The following SLC25A26 variants were observed in gnomAD, a reference collection of about 807,000 sequenced individuals.
SLC25A26 encodes the protein solute carrier family 25 member 26.
Under a neutral mutation model 37.8 loss-of-function variants are expected in SLC25A26, and 36 were observed. The observed-to-expected ratio is 0.95, with a 90% CI of 0.73 to 1.26. The LOEUF (loss-of-function observed/expected upper bound fraction) is 1.26. Ranked by LOEUF, SLC25A26 falls within the 50% of genes most tolerant of loss-of-function variation. The probability of loss-of-function intolerance (pLI) is 0.00; values close to 1 mark genes in which losing one functional copy is unlikely to be tolerated. For missense variants in SLC25A26, 390 were observed against 331.1 expected, an observed-to-expected ratio of 1.18 and a Z score of -1.38; for synonymous variants, 129 against 122.5, an observed-to-expected ratio of 1.05 and a Z score of -0.35.
At chr3:66,292,630 C>T (rs1195914852) in intron 5 of SLC25A26, among the ~76,000 whole-genome samples, 1 of 152,324 alleles carries the variant, frequency 6.6e-6, no homozygotes, top group Non-Finnish European at 1.5e-5. Context: ...CCTCCACTCT[C>T]CTCTGGCTTG....
At chr3:66,276,020 C>G (rs1177542058) in intron 5 of SLC25A26, among the ~76,000 whole-genome samples, 3 of 151,906 alleles carry the variant, frequency 2.0e-5, no homozygotes, top group Non-Finnish European at 2.9e-5. Flanking sequence ...ATTTGAAGGT[C>G]AAATGTAGTT....
chr3:66,138,023 G>A (rs1245370156), intron 1 of SLC25A26, among the ~76,000 whole-genome samples: 1 of 151,302 alleles, frequency 6.6e-6, no homozygotes, highest in Non-Finnish European at 1.5e-5. Flanking sequence ...TAGTAGAGAC[G>A]GGGTTTCACT....
chr3:66,275,366 AT>A (rs1188151778), intron 5 of SLC25A26, among the ~76,000 whole-genome samples: 5 of 151,930 alleles, frequency 3.3e-5, no homozygotes, highest in African/African-American at 1.2e-4. Context: ...TAACCTGCAC[AT>A]TGTGCACATG....
At chr3:66,357,667 T>C (rs761259757) in intron 6 of SLC25A26, among the ~76,000 whole-genome samples, 1 of 152,120 alleles carries the variant, frequency 6.6e-6, no homozygotes, top group African/African-American at 2.4e-5. Flanking sequence ...AAATTACTTA[T>C]TTAGGTTGAG....
chr3:66,172,796 C>T (rs1166215444), intron 1 of SLC25A26, among the ~76,000 whole-genome samples: 1 of 152,126 alleles, frequency 6.6e-6, no homozygotes, highest in Non-Finnish European at 1.5e-5. Context: ...CAAGTTCTGC[C>T]TTCATGTTCA....
At chr3:66,166,981 A>C (rs967559282) in intron 1 of SLC25A26, among the ~76,000 whole-genome samples, 1 of 151,784 alleles carries the variant, frequency 6.6e-6, no homozygotes, top group Non-Finnish European at 1.5e-5. Flanking sequence ...TGGTTTTATA[A>C]AGGTGAGTTT....
intron 1 of SLC25A26, among the ~76,000 whole-genome samples, chr3:66,156,706 T>A (rs1383306572): frequency 6.6e-6 from 1 of 152,204 alleles, no homozygotes. Flanking sequence ...AACTCTTTTT[T>A]TGGAACCTAT....
At chr3:66,147,156 C>CTTTTCTT (rs112742441) in intron 1 of SLC25A26, among the ~76,000 whole-genome samples, 31,355 of 106,020 alleles carry the variant, frequency 0.3, 6,206 homozygotes, top group Middle Eastern at 0.36. Flanking sequence ...TCCCTCTTTT[C>CTTTTCTT]TTTTCTTTTC....
intron 3 of SLC25A26, among the ~76,000 whole-genome samples, chr3:66,245,026 A>G (rs914843909): frequency 9.2e-5 from 14 of 152,158 alleles, no homozygotes; most frequent in African/African-American, 3.4e-4. Context: ...ATTTCAGTCA[A>G]AGTAGAACAC....
chr3:66,221,177 T>C lies in SLC25A26; in HGVS notation c.33+50T>C, dbSNP rs138215846. On this transcript the variant is annotated intron_variant, in intron 1 of 9. Coordinates refer to ENST00000354883, the MANE Select transcript of SLC25A26 (RefSeq NM_001379210.1). Reference sequence around the variant, plus strand: ...TTGCTCAGAGTGCCGGCGTCCGGCATTGGAGCCCGCGGGCGTTCTCTGCAC... The same window carrying C: ...TTGCTCAGAGTGCCGGCGTCCGGCACTGGAGCCCGCGGGCGTTCTCTGCAC... 20,509 of 1,497,838 alleles carry C rather than the reference T, an allele frequency of 0.014. 220 individuals are homozygous for C. Among genetic ancestry groups the C allele is most frequent in the Non-Finnish European group, 0.015 (16,755 of 1,129,910 alleles). 92.8% of individuals were successfully genotyped at this position (1,497,838 alleles called of 1,614,324 possible). A position where few individuals can be genotyped will look rare whatever the true frequency, so the allele number is the denominator to read the frequency against.
intron 1 of SLC25A26, among the ~76,000 whole-genome samples, chr3:66,148,098 G>C (rs540158642): frequency 1.3e-5 from 2 of 152,254 alleles, no homozygotes; most frequent in Non-Finnish European, 2.9e-5. Flanking sequence ...GCAGGACTGA[G>C]GTGGTATGTC....
chr3:66,303,864 C>T (rs981122931), intron 5 of SLC25A26, among the ~76,000 whole-genome samples: 7 of 152,120 alleles, frequency 4.6e-5, no homozygotes, highest in African/African-American at 7.2e-5. Context: ...ATGCACAGGG[C>T]GGTTGGCAGA....
At chr3:66,246,365 G>C (rs940699581) in intron 3 of SLC25A26, among the ~76,000 whole-genome samples, 1 of 152,076 alleles carries the variant, frequency 6.6e-6, no homozygotes, top group Non-Finnish European at 1.5e-5. Flanking sequence ...TAAACTTTCA[G>C]TCCAAAAAAA....
chr3:66,356,124 G>T, intron 6 of SLC25A26: 2 of 455,972 alleles, frequency 4.4e-6, no homozygotes, highest in Admixed American at 2.4e-5. Flanking sequence ...GTTATTTTCA[G>T]TGTGTTATTC....
intron 1 of SLC25A26, among the ~76,000 whole-genome samples, chr3:66,174,533 C>T (rs1677871722): frequency 6.6e-6 from 1 of 152,218 alleles, no homozygotes; most frequent in Non-Finnish European, 1.5e-5. Context: ...GTAATCCCAG[C>T]ACTTCGGGAG....
chr3:66,366,406 A>G (rs1448771045), intron 7 of SLC25A26, among the ~76,000 whole-genome samples: 1 of 152,212 alleles, frequency 6.6e-6, no homozygotes, highest in Non-Finnish European at 1.5e-5. Context: ...CAGCCTTACA[A>G]AAGCATTGTG....
chr3:66,349,391 C>T (rs2076398952), intron 6 of SLC25A26, among the ~76,000 whole-genome samples: 1 of 152,182 alleles, frequency 6.6e-6, no homozygotes, highest in Non-Finnish European at 1.5e-5. Context: ...GTACCCACAG[C>T]CCCTGTGAGC....
At chr3:66,346,206 T>G in intron 5 of SLC25A26, 158 bp from the exon 6 acceptor site, 1 of 153,236 alleles carries the variant, frequency 6.5e-6, no homozygotes, top group Non-Finnish European at 1.4e-5. Context: ...GGCCACAGTT[T>G]AACTCTTTTT....
Position 66,195,617 on chromosome 3 carries a change from C to A in SLC25A26, c.-353-25125C>A, listed in dbSNP as rs1022358949. On this transcript the variant is annotated intron_variant, in intron 1 of 10. Transcript: ENST00000676754. ...CTGGCTGATGGGTGGTGCTGCCGAG[C>A]GAGGAGCGCACGCGCTCGGCGTCTC... 4.3e-3 allele frequency among the ~76,000 whole-genome samples: 657 copies of A among 152,272 alleles called. 5 individuals carry two copies. Among genetic ancestry groups the A allele is most frequent in the African/African-American group, 0.015 (640 of 41,566 alleles).
Sources: allele counts gnomAD v4.1 joint callset (sites outside exome capture counted in the v4.1 genomes callset), GRCh38; gene constraint gnomAD v4.1.1; transcripts MANE v1.5; gene names NCBI Gene and HGNC (gene_info 2026-07-23, HGNC 2026-07-21).